The following DLGAP5 variants were observed in gnomAD, a reference collection of about 807,000 sequenced individuals.
DLGAP5 encodes disks large-associated protein 5.
In DLGAP5, 90 loss-of-function variants were observed where a neutral mutation model predicts 99.6. The ratio of observed to expected loss-of-function variants is 0.90; its 90% CI spans 0.76 to 1.08. DLGAP5 has a LOEUF of 1.08. Ranked by LOEUF, DLGAP5 falls within the 50% of genes least tolerant of loss-of-function variation. DLGAP5 has a pLI of 0.00. For missense variants in DLGAP5, 1,036 were observed against 983.5 expected, an observed-to-expected ratio of 1.05 and a Z score of -0.71; for synonymous variants, 311 against 321.3, an observed-to-expected ratio of 0.97 and a Z score of 0.34.
intron 10 of DLGAP5, among the ~76,000 whole-genome samples, chr14:55,172,981 C>CAAA (rs71291818): frequency 0.019 from 1,126 of 59,902 alleles, 37 homozygotes; most frequent in Middle Eastern, 0.052. Context: ...GACTCCGTCT[C>CAAA]AAAAAAAAAA....
At chr14:55,180,591 CG>C (rs1192073829) in intron 6 of DLGAP5, 64 bp downstream of exon 6, 7 of 1,588,806 alleles carry the variant, frequency 4.4e-6, no homozygotes, top group Non-Finnish European at 6.0e-6. Flanking sequence ...ATTTTTGAAA[CG>C]GAACACAAAA....
At chr14:55,187,453 G>GGATT (rs1883470856) in intron 2 of DLGAP5, among the ~76,000 whole-genome samples, 1 of 150,858 alleles carries the variant, frequency 6.6e-6, no homozygotes, top group Non-Finnish European at 1.5e-5. Flanking sequence ...TGAGTAGGTG[G>GGATT]GATTACAGGT....
chr14:55,175,826 C>T (rs1447716935), intron 9 of DLGAP5, 68 bp downstream of exon 9: 50 of 1,378,032 alleles, frequency 3.6e-5, no homozygotes, highest in Non-Finnish European at 4.5e-5. Flanking sequence ...AATTACTATA[C>T]CTGAAAGCAA....
At chr14:55,186,837 G>A (rs368884501) in intron 2 of DLGAP5, among the ~76,000 whole-genome samples, 8 of 152,306 alleles carry the variant, frequency 5.3e-5, no homozygotes, top group East Asian at 1.9e-4. Context: ...TTTTCTACTC[G>A]GTTTCTAGGA....
Position 55,152,182 on chromosome 14 carries a change from A to C in DLGAP5, c.2122-241T>G, listed in dbSNP as rs564804161. Reference sequence around the variant, plus strand: ...CCTATACTCTAGCTCAGGGACTGGCAAACATTTTCTGTAAAAGATCAAATA... The same window carrying C: ...CCTATACTCTAGCTCAGGGACTGGCCAACATTTTCTGTAAAAGATCAAATA... On this transcript the variant is annotated intron_variant, in intron 16 of 18. Transcript: ENST00000247191. 3.9e-5 allele frequency among the ~76,000 whole-genome samples: 6 copies of C among 152,374 alleles called. No homozygotes were observed. In the South Asian group the frequency reaches 1.2e-3, roughly 32 times the overall value.
chr14:55,161,902 A>G (rs1484839138), intron 13 of DLGAP5, among the ~76,000 whole-genome samples: 1 of 105,688 alleles, frequency 9.5e-6, no homozygotes, highest in East Asian at 2.5e-4. Flanking sequence ...AAAAAAAAAG[A>G]ATTTTTTAAA....
intron 4 of DLGAP5, among the ~76,000 whole-genome samples, chr14:55,182,159 C>T (rs1411566610): frequency 6.6e-6 from 1 of 152,176 alleles, no homozygotes; most frequent in Non-Finnish European, 1.5e-5. Context: ...GACACAAAGA[C>T]AGTTTGCCAT....
At chr14:55,169,652 T>C (rs994548828) in intron 11 of DLGAP5, 93 bp from the exon 12 acceptor site, 10 of 1,140,306 alleles carry the variant, frequency 8.8e-6, no homozygotes, top group African/African-American at 3.2e-5. Context: ...CCAAACATCC[T>C]AGGGCCTACA....
chr14:55,170,923 T>C (rs770413425), intron 10 of DLGAP5, 136 bp from the exon 11 acceptor site: 74 of 621,986 alleles, frequency 1.2e-4, no homozygotes, highest in Non-Finnish European at 2.0e-4. Context: ...TGATACTGAA[T>C]TATTTATAAA....
chr14:55,154,539 CT>C, intron 15 of DLGAP5, 77 bp downstream of exon 15: 1 of 1,235,288 alleles, frequency 8.1e-7, no homozygotes, highest in Non-Finnish European at 1.2e-6. Context: ...TGTCTGGCAC[CT>C]TTTACCATCT....
intron 12 of DLGAP5, among the ~76,000 whole-genome samples, chr14:55,169,142 C>A (rs1200465048): frequency 7.0e-6 from 1 of 142,376 alleles, no homozygotes; most frequent in Non-Finnish European, 1.5e-5. Context: ...CACCACTGCA[C>A]TCCAGCCTGG....
In DLGAP5 at chr14:55,162,532, T is replaced by A. The variant is rs1882482149; in HGVS notation, c.1653+439A>T. Among the ~76,000 whole-genome samples, 2 of 150,900 alleles carry A rather than the reference T, an allele frequency of 1.3e-5. 1 individual carries two copies. Among genetic ancestry groups the A allele is most frequent in the South Asian group, 4.2e-4 (2 of 4,794 alleles). Reference sequence around the variant, plus strand: ...TACTTGGGAGGCTGAGGCAGGAGAATGGCGTGAACCCGGGAGGCGGAGCTG... The same window carrying A: ...TACTTGGGAGGCTGAGGCAGGAGAAAGGCGTGAACCCGGGAGGCGGAGCTG... On this transcript the variant is annotated intron_variant, in intron 13 of 18. Coordinates refer to ENST00000247191, the MANE Select transcript of DLGAP5 (RefSeq NM_014750.5).
chr14:55,180,864 T>C, intron 5 of DLGAP5, 86 bp from the exon 6 acceptor site: 9 of 1,519,446 alleles, frequency 5.9e-6, no homozygotes, highest in South Asian at 2.4e-5. Flanking sequence ...GTGCAATGCC[T>C]GTAGTCCCAG....
At chr14:55,169,652 T>A (rs994548828) in intron 11 of DLGAP5, 93 bp from the exon 12 acceptor site, 1 of 1,140,424 alleles carries the variant, frequency 8.8e-7, no homozygotes, top group East Asian at 2.7e-5. Context: ...CCAAACATCC[T>A]AGGGCCTACA....
At chr14:55,162,410 C>G (rs56660630) in intron 13 of DLGAP5, among the ~76,000 whole-genome samples, 84,499 of 151,784 alleles carry the variant, frequency 0.56, 26,541 homozygotes, top group African/African-American at 0.87. Flanking sequence ...ATGAGGTCAG[C>G]AGATGGAGAC....
At chr14:55,176,112 T>C in intron 8 of DLGAP5, 94 bp from the exon 9 acceptor site, 2 of 1,131,904 alleles carry the variant, frequency 1.8e-6, no homozygotes, top group Non-Finnish European at 2.4e-6. Flanking sequence ...AGATCTGGGC[T>C]AAAATAGAAA....
At position 55,158,000 on chromosome 14, in the gene DLGAP5, T is replaced by C. The variant is rs565922873; in HGVS notation, c.1873+522A>G. 1.1e-4 allele frequency among the ~76,000 whole-genome samples: 17 copies of C among 152,338 alleles called. No homozygotes were observed. In the East Asian group the frequency reaches 3.3e-3, roughly 29 times the overall value. On this transcript the variant is annotated intron_variant, in intron 14 of 18. Coordinates refer to ENST00000247191, the MANE Select transcript of DLGAP5 (RefSeq NM_014750.5). ...CTGGTCTCAAACTCTTAGCTTCAAGTGATCCTCCTGCCTTGGTCTCTCAAA... is the reference window on the plus strand; with the variant it reads ...CTGGTCTCAAACTCTTAGCTTCAAGCGATCCTCCTGCCTTGGTCTCTCAAA...
chr14:55,169,461 G>A lies in DLGAP5; in HGVS notation c.1486C>T (p.Arg496Ter), dbSNP rs565083852. 4 of 1,612,150 alleles carry A rather than the reference G, an allele frequency of 2.5e-6. No homozygotes were observed. The highest frequency in any genetic ancestry group is 4.5e-5 in the East Asian group (2 of 44,722). Residue 496 changes from arginine to a stop codon, truncating the protein, a stop_gained, in exon 12 of 19, where the codon CGA becomes TGA. Transcript: ENST00000247191. LOFTEE classifies it high-confidence loss of function. ...EGLVDDCEYK[R>*]GIKETTCTDL... ...GTACAGGTAGTCTCCTTTATACCTCGTTTATATTCACAATCATCAACCAGT... is the reference window on the plus strand; with the variant it reads ...GTACAGGTAGTCTCCTTTATACCTCATTTATATTCACAATCATCAACCAGT...
At chr14:55,161,614 T>A (rs182155290) in intron 13 of DLGAP5, among the ~76,000 whole-genome samples, 1 of 150,972 alleles carries the variant, frequency 6.6e-6, no homozygotes, top group African/African-American at 2.4e-5. Flanking sequence ...TTCTCCACGA[T>A]GGTCAGGCTG....
Sources: gnomAD v4.1 joint callset for allele counts (sites outside exome capture counted in the v4.1 genomes callset) on GRCh38, gnomAD v4.1.1 for gene constraint, MANE v1.5 for transcripts, NCBI Gene and HGNC (gene_info 2026-07-23, HGNC 2026-07-21) for gene names.